Variants in CYP39A1 observed in about 807,000 individuals in gnomAD.
The protein encoded by CYP39A1 is cytochrome P450 family 39 subfamily A member 1, also known as 24-hydroxycholesterol 7-alpha-hydroxylase.
Under a neutral mutation model 58.1 loss-of-function variants are expected in CYP39A1, and 49 were observed. The observed-to-expected ratio is 0.84, with a 90% CI of 0.67 to 1.07. The LOEUF (loss-of-function observed/expected upper bound fraction) is 1.07. Among genes scored for constraint, CYP39A1 ranks in the 50% least tolerant of loss-of-function variants. CYP39A1 has a pLI of 0.00. For synonymous variants in CYP39A1, 209 were observed against 187.6 expected (o/e 1.11, Z -0.93); for missense variants, 531 against 539.4 (o/e 0.98, Z 0.16).
At chr6:46,637,701 CA>C (rs1776073153) in intron 4 of CYP39A1, 127 bp downstream of exon 4, 4 of 909,034 alleles carry the variant, frequency 4.4e-6, no homozygotes, top group Non-Finnish European at 6.7e-6. Context: ...CAAAAACAAA[CA>C]GGTCATAAGA....
At chr6:46,591,321 T>C (rs1458442843) in intron 8 of CYP39A1, among the ~76,000 whole-genome samples, 1 of 152,090 alleles carries the variant, frequency 6.6e-6, no homozygotes, top group Admixed American at 6.6e-5. Context: ...CTTTAAATAT[T>C]AAAATTATTT....
intron 10 of CYP39A1, among the ~76,000 whole-genome samples, chr6:46,570,000 T>C (rs1002330744): frequency 1.3e-5 from 2 of 152,122 alleles, no homozygotes; most frequent in Non-Finnish European, 2.9e-5. Flanking sequence ...GGCTTTTCTT[T>C]GATAGGAGAC....
chr6:46,568,658 T>C (rs1771419866), intron 10 of CYP39A1, among the ~76,000 whole-genome samples: 1 of 152,134 alleles, frequency 6.6e-6, no homozygotes. Context: ...TCCTTTCCCA[T>C]GGAATGGTCT....
chr6:46,562,866 A>C (rs777865123), intron 10 of CYP39A1, among the ~76,000 whole-genome samples: 63 of 152,178 alleles, frequency 4.1e-4, no homozygotes, highest in Non-Finnish European at 7.2e-4. Context: ...TTAAAGATAA[A>C]TACTCAGGCT....
At chr6:46,566,117 G>GCT (rs1771258810) in intron 10 of CYP39A1, among the ~76,000 whole-genome samples, 1 of 152,092 alleles carries the variant, frequency 6.6e-6, no homozygotes, top group African/African-American at 2.4e-5. Context: ...ATTATAAGTG[G>GCT]CTGTTACTAG....
chr6:46,583,915 A>T (rs1324204922), intron 10 of CYP39A1, among the ~76,000 whole-genome samples: 1 of 152,282 alleles, frequency 6.6e-6, no homozygotes, highest in Non-Finnish European at 1.5e-5. Context: ...ATGAACTTTG[A>T]TCATCAGCCA....
chr6:46,586,270 T>C (rs1772467926), intron 10 of CYP39A1: 1 of 982,068 alleles, frequency 1.0e-6, no homozygotes, highest in Non-Finnish European at 1.2e-6. Context: ...GAAACTACAA[T>C]TTTTTAAATA....
At chr6:46,578,705 GTTCC>G in intron 10 of CYP39A1, among the ~76,000 whole-genome samples, 1 of 152,056 alleles carries the variant, frequency 6.6e-6, no homozygotes, top group Admixed American at 6.6e-5. Flanking sequence ...AAATGAATAA[GTTCC>G]TGGAAACATG....
At chr6:46,645,032 A>C (rs1762232582) in intron 1 of CYP39A1, among the ~76,000 whole-genome samples, 2 of 152,100 alleles carry the variant, frequency 1.3e-5, no homozygotes. Flanking sequence ...TATATTCTAG[A>C]TACTAGTCCT....
intron 7 of CYP39A1, among the ~76,000 whole-genome samples, chr6:46,596,656 C>T (rs1394574273): frequency 6.6e-6 from 1 of 151,818 alleles, no homozygotes; most frequent in Non-Finnish European, 1.5e-5. Context: ...AATGAAGATG[C>T]CCTCTAAACA....
chr6:46,587,972 C>A (rs943055936), intron 9 of CYP39A1, 62 bp downstream of exon 9: 1 of 984,850 alleles, frequency 1.0e-6, no homozygotes, highest in East Asian at 2.9e-5. Flanking sequence ...TCTGAATTTA[C>A]CCTTCTGAAA....
Position 46,587,176 on chromosome 6 carries a change from A to G in CYP39A1, c.1162-11T>C. On this transcript the variant is annotated splice_polypyrimidine_tract_variant and intron_variant, in intron 9 of 11. Transcript: ENST00000275016. ...CTTTTTCCAACGTTCCTGTGGGAAG[A>G]AAACATTTTTTTTTCCAAATCAGCC... 1 of 1,582,838 alleles carries G rather than the reference A, an allele frequency of 6.3e-7. No homozygotes were observed. Among genetic ancestry groups the G allele is most frequent in the Non-Finnish European group, 8.6e-7 (1 of 1,156,098 alleles).
chr6:46,610,736 C>G (rs1774167026), intron 7 of CYP39A1, among the ~76,000 whole-genome samples: 2 of 152,102 alleles, frequency 1.3e-5, no homozygotes, highest in South Asian at 4.1e-4. Context: ...AAATGGAATT[C>G]TCATTATATG....
At chr6:46,650,660 G>A (rs941211460) in intron 1 of CYP39A1, among the ~76,000 whole-genome samples, 4 of 140,434 alleles carry the variant, frequency 2.8e-5, no homozygotes, top group African/African-American at 1.0e-4. Context: ...TGTGCCACTG[G>A]ACCAGATTAA....
At chr6:46,634,750 G>A (rs1004921005) in intron 5 of CYP39A1, among the ~76,000 whole-genome samples, 2 of 152,048 alleles carry the variant, frequency 1.3e-5, no homozygotes, top group Non-Finnish European at 2.9e-5. Flanking sequence ...TCGAACTTCT[G>A]ACCTTAGGTG....
intron 11 of CYP39A1, 96 bp downstream of exon 11, chr6:46,553,671 G>T: frequency 1.3e-6 from 1 of 792,550 alleles, no homozygotes; most frequent in Non-Finnish European, 2.2e-6. Context: ...GTGAGGAAAT[G>T]TCAGCTCATC....
rs1299471529 is a variant in CYP39A1 at position 46,610,918 on chromosome 6, A to G, written c.931+14500T>C. Reference sequence around the variant, plus strand: ...TCTTTATGCAAGAGAAATACCAGTTAAATGAATAGGAAGGAGAGATGTAAC... The same window carrying G: ...TCTTTATGCAAGAGAAATACCAGTTGAATGAATAGGAAGGAGAGATGTAAC... On this transcript the variant is annotated intron_variant, in intron 7 of 11. Transcript: ENST00000275016. Among the ~76,000 whole-genome samples the G allele has an allele frequency of 3.2e-4, 48 of 152,220 alleles. 3 individuals carry two copies. Among genetic ancestry groups the G allele is most frequent in the Admixed American group, 3.1e-3 (48 of 15,278 alleles).
intron 7 of CYP39A1, among the ~76,000 whole-genome samples, chr6:46,600,263 G>A (rs1773411154): frequency 6.6e-6 from 1 of 152,002 alleles, no homozygotes; most frequent in Non-Finnish European, 1.5e-5. Context: ...GGGATTACCA[G>A]CAAGTGCCAC....
intron 7 of CYP39A1, among the ~76,000 whole-genome samples, chr6:46,616,259 T>TTC (rs1561994544): frequency 5.9e-5 from 4 of 68,078 alleles, no homozygotes; most frequent in African/African-American, 2.2e-4. Context: ...TTCCTTCCTT[T>TTC]CTTCCTTCCT....
Sources: gnomAD v4.1 joint callset for allele counts (sites outside exome capture counted in the v4.1 genomes callset) on GRCh38, gnomAD v4.1.1 for gene constraint, MANE v1.5 for transcripts, NCBI Gene and HGNC (gene_info 2026-07-23, HGNC 2026-07-21) for gene names.